Variants in ZNF804B observed in about 807,000 individuals in gnomAD.
ZNF804B encodes the protein zinc finger 804B.
A neutral mutation model predicts 101.4 loss-of-function variants in ZNF804B; 80 were observed. That is an observed-to-expected ratio of 0.79 (90% CI 0.66 to 0.95). The LOEUF (loss-of-function observed/expected upper bound fraction) is 0.95. Ranked by LOEUF, ZNF804B falls within the 40% of genes least tolerant of loss-of-function variation. The probability of loss-of-function intolerance (pLI) is 0.00; values close to 1 mark genes in which losing one functional copy is unlikely to be tolerated. For synonymous variants in ZNF804B, 622 were observed against 558.8 expected, an observed-to-expected ratio of 1.11 and a Z score of -1.59; for missense variants, 1,673 against 1,561.9, an observed-to-expected ratio of 1.07 and a Z score of -1.20.
chr7:89,202,637 C>T (rs775373516), intron 1 of ZNF804B, among the ~76,000 whole-genome samples: 4 of 152,064 alleles, frequency 2.6e-5, no homozygotes, highest in Non-Finnish European at 2.9e-5. Flanking sequence ...TTTAGAGACA[C>T]AAAAATTCTA....
chr7:88,846,854 T>C (rs909476812), intron 1 of ZNF804B, among the ~76,000 whole-genome samples: 8 of 151,948 alleles, frequency 5.3e-5, no homozygotes, highest in Admixed American at 3.9e-4. Flanking sequence ...GTTGTATATG[T>C]ATATATTAGT....
At chr7:89,022,713 A>G (rs1157945894) in intron 1 of ZNF804B, among the ~76,000 whole-genome samples, 1 of 152,208 alleles carries the variant, frequency 6.6e-6, no homozygotes, top group South Asian at 2.1e-4. Flanking sequence ...TCACAGAAAT[A>G]CTTAACTGTT....
chr7:89,321,463 A>G (rs949966760), intron 2 of ZNF804B, among the ~76,000 whole-genome samples: 1 of 152,130 alleles, frequency 6.6e-6, no homozygotes, highest in African/African-American at 2.4e-5. Context: ...TGGGCAACAG[A>G]GCGAGACCCC....
intron 1 of ZNF804B, among the ~76,000 whole-genome samples, chr7:88,919,055 C>T (rs1030790877): frequency 1.3e-5 from 2 of 151,964 alleles, no homozygotes; most frequent in Admixed American, 1.3e-4. Flanking sequence ...TTTCAAATCT[C>T]AATCATATAT....
chr7:88,973,677 A>G (rs528831989), intron 1 of ZNF804B, among the ~76,000 whole-genome samples: 7 of 151,284 alleles, frequency 4.6e-5, no homozygotes, highest in African/African-American at 1.7e-4. Context: ...TATGCTTTTG[A>G]TCTTGGGAGA....
At chr7:89,058,378 T>G (rs374329795) in intron 1 of ZNF804B, among the ~76,000 whole-genome samples, 2 of 147,406 alleles carry the variant, frequency 1.4e-5, no homozygotes, top group African/African-American at 5.0e-5. Flanking sequence ...AAAGATATTT[T>G]ATGGTATAAC....
chr7:89,172,686 T>C (rs1791254970), intron 1 of ZNF804B, among the ~76,000 whole-genome samples: 1 of 152,204 alleles, frequency 6.6e-6, no homozygotes, highest in Admixed American at 6.5e-5. Context: ...AACCAGAGTT[T>C]ATTATGGTTA....
chr7:88,906,158 T>C (rs1349567609), intron 1 of ZNF804B, among the ~76,000 whole-genome samples: 1 of 152,076 alleles, frequency 6.6e-6, no homozygotes, highest in Non-Finnish European at 1.5e-5. Flanking sequence ...GGATCTTTTT[T>C]TTCTTTGTTT....
chr7:88,941,048 G>A (rs60740772), intron 1 of ZNF804B, among the ~76,000 whole-genome samples: 18,072 of 151,808 alleles, frequency 0.12, 1,231 homozygotes, highest in South Asian at 0.17. Flanking sequence ...TTAGGGAATT[G>A]CAAATTAAAA....
intron 1 of ZNF804B, among the ~76,000 whole-genome samples, chr7:88,812,950 A>G (rs1790813215): frequency 6.9e-6 from 1 of 145,210 alleles, no homozygotes; most frequent in South Asian, 2.2e-4. Context: ...TCTATTTTGC[A>G]AAAAAAAAAA....
At chr7:89,286,907 G>A (rs1033746329) in intron 2 of ZNF804B, among the ~76,000 whole-genome samples, 3 of 151,926 alleles carry the variant, frequency 2.0e-5, no homozygotes, top group Admixed American at 6.6e-5. Context: ...TAGGTGTTCC[G>A]GTCTCTCCTG....
Position 89,298,212 on chromosome 7 carries a change from GTGTGTA to G in ZNF804B, c.250-29130_250-29125del, listed in dbSNP as rs1216568755. ...ATATATATCTATATAGTGTGTGTGT[GTGTGTA>G]TATATATATATATATATATATATAT... is the stretch of plus-strand genomic sequence containing the variant. On this transcript the variant is annotated intron_variant, in intron 2 of 3. Coordinates refer to ENST00000333190, the MANE Select transcript of ZNF804B (RefSeq NM_181646.5). Among the ~76,000 whole-genome samples, 32 of 65,268 alleles carry G rather than the reference GTGTGTA, an allele frequency of 4.9e-4. No individual in the cohort carries two copies. In the East Asian group the frequency reaches 4.9e-3, roughly 10 times the overall value. 42.8% of individuals were successfully genotyped at this position (65,268 alleles called of 152,430 possible).
intron 2 of ZNF804B, among the ~76,000 whole-genome samples, chr7:89,241,683 G>C (rs1005990442): frequency 1.3e-5 from 2 of 152,008 alleles, no homozygotes; most frequent in African/African-American, 4.8e-5. Context: ...CATGGACAGA[G>C]CCATGCCAGT....
chr7:88,817,873 G>A (rs3915191), intron 1 of ZNF804B, among the ~76,000 whole-genome samples: 66,110 of 152,004 alleles, frequency 0.43, 15,196 homozygotes, highest in East Asian at 0.81. Context: ...AATTACTGGT[G>A]TGATAGGAAT....
At chr7:89,222,924 A>G (rs1323884129) in intron 2 of ZNF804B, among the ~76,000 whole-genome samples, 2 of 151,962 alleles carry the variant, frequency 1.3e-5, no homozygotes, top group African/African-American at 4.8e-5. Flanking sequence ...GATAATATTG[A>G]AATACTTCCA....
In ZNF804B at chr7:89,070,857, C is replaced by CTTCATT. The variant is rs1562876308; in HGVS notation, c.109-147297_109-147296insTCATTT. Reference sequence around the variant, plus strand: ...CTTCATTTGTAGAGAAAGAGAAAAACTGTATACTCTCTTATAATGGCATTT... The same window carrying CTTCATT: ...CTTCATTTGTAGAGAAAGAGAAAAACTTCATTTGTATACTCTCTTATAATGGCATTT... On this transcript the variant is annotated intron_variant, in intron 1 of 3. Coordinates refer to ENST00000333190, the MANE Select transcript of ZNF804B (RefSeq NM_181646.5). Among the ~76,000 whole-genome samples the CTTCATT allele has an allele frequency of 4.7e-3, 716 of 152,118 alleles. 7 individuals are homozygous for CTTCATT. The highest frequency in any genetic ancestry group is 0.016 in the African/African-American group (682 of 41,500).
intron 2 of ZNF804B, among the ~76,000 whole-genome samples, chr7:89,269,815 T>A (rs1184122398): frequency 6.6e-6 from 1 of 152,198 alleles, no homozygotes; most frequent in African/African-American, 2.4e-5. Flanking sequence ...TGATGGCCGG[T>A]GATGATGAGT....
At chr7:88,935,005 A>G (rs112198428) in intron 1 of ZNF804B, among the ~76,000 whole-genome samples, 2,176 of 151,996 alleles carry the variant, frequency 0.014, 61 homozygotes, top group African/African-American at 0.049. Context: ...GTGGGTAAAG[A>G]AAAGGTTATA....
intron 1 of ZNF804B, among the ~76,000 whole-genome samples, chr7:88,948,282 C>A (rs1159664710): frequency 6.7e-6 from 1 of 149,696 alleles, no homozygotes; most frequent in Non-Finnish European, 1.5e-5. Context: ...ACAGAAACAA[C>A]CTTCGTGTAC....
Sources: gnomAD v4.1 joint callset for allele counts (sites outside exome capture counted in the v4.1 genomes callset) on GRCh38, gnomAD v4.1.1 for gene constraint, MANE v1.5 for transcripts, NCBI Gene and HGNC (gene_info 2026-07-23, HGNC 2026-07-21) for gene names.